COL22A1: variants seen among roughly 807,000 people sequenced by gnomAD.
COL22A1 encodes collagen alpha-1(XXII) chain.
Under a neutral mutation model 248.9 loss-of-function variants are expected in COL22A1, and 221 were observed. The ratio of observed to expected loss-of-function variants is 0.89; its 90% CI spans 0.80 to 0.99. The LOEUF (loss-of-function observed/expected upper bound fraction) is 0.99, where lower values mean the gene tolerates loss of function less well. Ranked by LOEUF, COL22A1 falls within the 50% of genes least tolerant of loss-of-function variation. COL22A1 has a pLI of 0.00. For synonymous variants in COL22A1, 891 were observed against 793.4 expected, an observed-to-expected ratio of 1.12 and a Z score of -2.07; for missense variants, 2,240 against 2,179.0, an observed-to-expected ratio of 1.03 and a Z score of -0.56.
chr8:138,823,305 T>C (rs2131767392), intron 6 of COL22A1, among the ~76,000 whole-genome samples: 1 of 152,352 alleles, frequency 6.6e-6, no homozygotes, highest in East Asian at 1.9e-4. Context: ...TTTGCAATAA[T>C]GAATTAAGCA....
At chr8:138,610,756 T>A (rs994816911) in intron 56 of COL22A1, among the ~76,000 whole-genome samples, 1 of 152,184 alleles carries the variant, frequency 6.6e-6, no homozygotes, top group Admixed American at 6.5e-5. Flanking sequence ...TTCTGAGTAC[T>A]CTCTGCTCTC....
At chr8:138,885,996 C>T (rs1158582050) in intron 1 of COL22A1, among the ~76,000 whole-genome samples, 5 of 152,280 alleles carry the variant, frequency 3.3e-5, no homozygotes, top group Admixed American at 6.5e-5. Context: ...TAGGTTATAT[C>T]TATCCTCCAA....
Position 138,883,143 on chromosome 8 carries a change from A to G in COL22A1, c.30T>C (p.Ala10=). ...ACAGCAGCAGCATCCAGAGGAGGCC[A>G]GCCACAGCGTTCCCTCGGAGGCCGG... The part of the protein sequence containing the change: MAGLRGNAV[A]GLLWMLLLWS... The change falls in exon 2 of 65, where the codon GCT becomes GCC. Residue 10 remains alanine (A), a synonymous_variant. Coordinates refer to ENST00000303045, the MANE Select transcript of COL22A1 (RefSeq NM_152888.3). 2 of 1,598,914 alleles carry G rather than the reference A, an allele frequency of 1.3e-6. No individual in the cohort carries two copies. The highest frequency in any genetic ancestry group is 1.7e-6 in the Non-Finnish European group (2 of 1,173,288).
intron 12 of COL22A1, among the ~76,000 whole-genome samples, chr8:138,792,272 A>G (rs150581372): frequency 6.6e-6 from 1 of 152,196 alleles, no homozygotes; most frequent in Admixed American, 6.5e-5. Context: ...AAAGGCCACC[A>G]CCACCAATAT....
At chr8:138,846,842 G>C (rs4060121) in intron 3 of COL22A1, among the ~76,000 whole-genome samples, 146,084 of 152,376 alleles carry the variant, frequency 0.96, 70,074 homozygotes, top group East Asian at 1. Context: ...TCTAGGGTCA[G>C]AGAAGTGGAT....
intron 58 of COL22A1, among the ~76,000 whole-genome samples, chr8:138,605,369 G>A (rs1587653188): frequency 6.6e-6 from 1 of 152,284 alleles, no homozygotes; most frequent in East Asian, 1.9e-4. Flanking sequence ...CATGACTCAG[G>A]AGCAATTGCT....
At chr8:138,630,770 G>T in intron 49 of COL22A1, 22 bp from the exon 50 acceptor site, 1 of 1,612,126 alleles carries the variant, frequency 6.2e-7, no homozygotes, top group Non-Finnish European at 8.5e-7. Context: ...AAGGCAGAAA[G>T]CTAGTTTCTT....
intron 31 of COL22A1, among the ~76,000 whole-genome samples, chr8:138,701,922 G>A (rs186351964): frequency 1.3e-5 from 2 of 152,268 alleles, no homozygotes; most frequent in African/African-American, 2.4e-5. Context: ...CATATTGTAC[G>A]CATATTAATT....
At chr8:138,885,163 T>A (rs796272966) in intron 1 of COL22A1, among the ~76,000 whole-genome samples, 1 of 152,180 alleles carries the variant, frequency 6.6e-6, no homozygotes, top group African/African-American at 2.4e-5. Flanking sequence ...TAGGAATTAT[T>A]TGTGGCTCCA....
At chr8:138,612,159 G>A (rs1034970439) in intron 56 of COL22A1, among the ~76,000 whole-genome samples, 1 of 152,128 alleles carries the variant, frequency 6.6e-6, no homozygotes, top group African/African-American at 2.4e-5. Flanking sequence ...GGTGGGATTG[G>A]GTGGGGGTGA....
At chr8:138,816,512 A>G (rs986533942) in intron 7 of COL22A1, among the ~76,000 whole-genome samples, 4 of 151,996 alleles carry the variant, frequency 2.6e-5, no homozygotes, top group Admixed American at 6.6e-5. Flanking sequence ...CAGCTTAGAG[A>G]CCCTTTGCTG....
intron 45 of COL22A1, among the ~76,000 whole-genome samples, chr8:138,651,464 C>A (rs550031705): frequency 6.6e-6 from 1 of 152,328 alleles, no homozygotes; most frequent in Non-Finnish European, 1.5e-5. Flanking sequence ...ACCTGACATT[C>A]TGGCGACTTG....
chr8:138,610,905 A>T lies in COL22A1; in HGVS notation c.3979-2916T>A, dbSNP rs13251371. Among the ~76,000 whole-genome samples, 1,008 of 152,018 alleles carry T rather than the reference A, an allele frequency of 6.6e-3. 8 individuals are homozygous for T. Among genetic ancestry groups the T allele is most frequent in the Non-Finnish European group, 0.011 (752 of 67,990 alleles). On this transcript the variant is annotated intron_variant, in intron 56 of 64. Coordinates refer to ENST00000303045, the MANE Select transcript of COL22A1 (RefSeq NM_152888.3). ...ATAGTGAGACCTCATATCTACAAAC[A>T]TTTTTTTTAAATTCGCTGGGCATGG...
intron 7 of COL22A1, among the ~76,000 whole-genome samples, chr8:138,815,778 G>A (rs891007945): frequency 2.6e-5 from 4 of 152,166 alleles, no homozygotes; most frequent in Admixed American, 2.6e-4. Context: ...TGGATGAATG[G>A]ATGGGCATTT....
At chr8:138,773,775 C>G (rs993182332) in intron 16 of COL22A1, among the ~76,000 whole-genome samples, 2 of 152,224 alleles carry the variant, frequency 1.3e-5, no homozygotes, top group African/African-American at 4.8e-5. Context: ...GGCTCCACCT[C>G]TGACTGCACC....
chr8:138,879,463 G>A (rs1225064882), intron 2 of COL22A1, among the ~76,000 whole-genome samples: 2 of 152,058 alleles, frequency 1.3e-5, no homozygotes, highest in East Asian at 1.9e-4. Context: ...AGGTCAAGGC[G>A]GGCAGATCAC....
In COL22A1 at chr8:138,862,547, C is replaced by T. The variant is rs558367716; in HGVS notation, c.658+15203G>A. ...GAACCCTTCTTCCTTTTTTCTTACC[C>T]TCCCACTGTGTTTATGTCCTACAGA... On this transcript the variant is annotated intron_variant, in intron 3 of 64. Transcript: ENST00000303045. Among the ~76,000 whole-genome samples the T allele has an allele frequency of 6.3e-4, 13 of 20,686 alleles. No homozygotes were observed. The East Asian group carries it at 0.036, about 57-fold the overall frequency. 13.6% of individuals were successfully genotyped at this position (20,686 alleles called of 152,430 possible). A position where few individuals can be genotyped will look rare whatever the true frequency, so the allele number is the denominator to read the frequency against.
chr8:138,693,472 G>A (rs1827246334), intron 35 of COL22A1, among the ~76,000 whole-genome samples, 174 bp downstream of exon 35: 1 of 152,194 alleles, frequency 6.6e-6, no homozygotes, highest in Non-Finnish European at 1.5e-5. Flanking sequence ...CGAAGGTGGT[G>A]GAGGCCAGAA....
intron 1 of COL22A1, among the ~76,000 whole-genome samples, chr8:138,902,784 A>ACACACACACT (rs1563907561): frequency 2.0e-5 from 3 of 149,404 alleles, no homozygotes; most frequent in Non-Finnish European, 1.5e-5. Context: ...ACACACACAC[A>ACACACACACT]CTAGAACTGA....
Sources: allele counts gnomAD v4.1 joint callset (sites outside exome capture counted in the v4.1 genomes callset), GRCh38; gene constraint gnomAD v4.1.1; transcripts MANE v1.5; gene names NCBI Gene and HGNC (gene_info 2026-07-23, HGNC 2026-07-21).